The following SERINC2 variants were observed in gnomAD, a reference collection of about 807,000 sequenced individuals.
SERINC2 encodes serine incorporator 2.
Under a neutral mutation model 54.2 loss-of-function variants are expected in SERINC2, and 56 were observed. The observed-to-expected ratio is 1.03, with a 90% CI of 0.83 to 1.29. SERINC2 has a LOEUF of 1.29. SERINC2 is among the 50% of genes most tolerant of loss of function. The pLI is 0.00. For synonymous variants in SERINC2, 272 were observed against 253.1 expected, an observed-to-expected ratio of 1.07 and a Z score of -0.71; for missense variants, 614 against 607.4, an observed-to-expected ratio of 1.01 and a Z score of -0.12.
chr1:31,423,283 G>A (rs782619360), intron 1 of SERINC2, among the ~76,000 whole-genome samples: 2 of 152,220 alleles, frequency 1.3e-5, no homozygotes, highest in Non-Finnish European at 2.9e-5. Context: ...TGCTTTGTGA[G>A]GAGTACATAC....
intron 8 of SERINC2, among the ~76,000 whole-genome samples, chr1:31,432,146 ACAGGGTGGACAGGGTGGATAGG>A (rs1641299496): frequency 8.7e-6 from 1 of 114,860 alleles, no homozygotes; most frequent in African/African-American, 3.8e-5. Flanking sequence ...GACAGGGTGG[ACAGGGTGGACAGGGTGGATAGG>A]GTGGATAGGG....
chr1:31,423,527 A>G (rs545051539), intron 1 of SERINC2, among the ~76,000 whole-genome samples, 166 bp from the exon 2 acceptor site: 30 of 152,296 alleles, frequency 2.0e-4, no homozygotes, highest in African/African-American at 6.3e-4. Flanking sequence ...GTAGCCCTAT[A>G]TGACCCAGCC....
intron 3 of SERINC2, 126 bp from the exon 4 acceptor site, chr1:31,425,204 A>G: frequency 1.3e-6 from 1 of 775,280 alleles, no homozygotes; most frequent in Admixed American, 1.9e-5. Flanking sequence ...ACCACCAGAA[A>G]GCCCACCCTC....
chr1:31,410,314 A>C, upstream of SERINC2: 2 of 1,540,640 alleles, frequency 1.3e-6, no homozygotes, highest in Non-Finnish European at 1.7e-6. Flanking sequence ...CTCTTTATCC[A>C]TGTCCTCACT....
upstream of SERINC2, among the ~76,000 whole-genome samples, chr1:31,412,845 A>C (rs1330762559): frequency 6.6e-6 from 1 of 152,114 alleles, no homozygotes; most frequent in Non-Finnish European, 1.5e-5. Context: ...ATTCAACCTC[A>C]GCATCTACGT....
In SERINC2 at chr1:31,434,143, C is replaced by T. The variant is rs782369919; in HGVS notation, c.1312C>T (p.Leu438Phe). Residue 438 changes from leucine to phenylalanine, a missense_variant, in exon 10 of 10, where the codon CTC becomes TTC. Transcript: ENST00000373709. ...CTGTGCCAGCTGGGCAGGGCTGCTC[C>T]TCTACCTGTGGACCCTGGTAGCCCC... ...KICASWAGLL[L>F]YLWTLVAPLL... 1 of 1,613,966 alleles carries T rather than the reference C, an allele frequency of 6.2e-7. No individual in the cohort carries two copies. Among genetic ancestry groups the T allele is most frequent in the Non-Finnish European group, 8.5e-7 (1 of 1,179,954 alleles).
In SERINC2 at chr1:31,413,418, C is replaced by T; in HGVS notation, c.39+114C>T. On this transcript the variant is annotated intron_variant, in intron 1 of 9. Coordinates refer to ENST00000373709, the MANE Select transcript of SERINC2 (RefSeq NM_178865.5). This position sits in a 1 kb window ranked among gnomAD's most constrained non-coding sequence, Gnocchi z 5.0. ...TTCTTTTTCCTTCCTGCAAACTTGT[C>T]TTTCTGGGCCGGTGCCCCGCCTGCT... 3.7e-6 allele frequency: 2 copies of T among 540,210 alleles called. 1 individual carries two copies. The allele number at this position is 540,210 out of a possible 1,614,324, so 33.5% of individuals were successfully genotyped here.
intron 1 of SERINC2, 78 bp from the exon 2 acceptor site, chr1:31,423,615 C>CGACCTCTGG: frequency 6.9e-7 from 1 of 1,453,034 alleles, no homozygotes. Flanking sequence ...ACAGATGCGC[C>CGACCTCTGG]GACCTCTGGG....
At chr1:31,419,918 A>G (rs1388355468) in intron 1 of SERINC2, among the ~76,000 whole-genome samples, 1 of 152,176 alleles carries the variant, frequency 6.6e-6, no homozygotes, top group African/African-American at 2.4e-5. Context: ...CTGAGGTAGG[A>G]GGATTGCTTG....
chr1:31,432,029 A>ATAGGGTGGT (rs1557500669), intron 8 of SERINC2, among the ~76,000 whole-genome samples: 1 of 119,856 alleles, frequency 8.3e-6, no homozygotes, highest in Non-Finnish European at 1.7e-5. Flanking sequence ...GACAGGGTGG[A>ATAGGGTGGT]CAGGGTGGAC....
intron 1 of SERINC2, among the ~76,000 whole-genome samples, chr1:31,418,248 C>T (rs1180971406): frequency 2.6e-5 from 4 of 152,194 alleles, no homozygotes; most frequent in Admixed American, 1.3e-4. Context: ...CACCAATGGA[C>T]ATTTAGCTTG....
rs201830294 is a variant in SERINC2 at position 31,433,193 on chromosome 1, G to C, written c.1232+8G>C. 2 of 1,611,920 alleles carry C rather than the reference G, an allele frequency of 1.2e-6. No homozygotes were observed. Among genetic ancestry groups the C allele is most frequent in the Non-Finnish European group, 1.7e-6 (2 of 1,178,618 alleles). On this transcript the variant is annotated splice_region_variant and intron_variant, in intron 9 of 9. Transcript: ENST00000373709. ...GCTCACCAACTGGTACAAGTGCGTA[G>C]CTGGTGGGGCATGGACAGAGCCCGG... is the stretch of plus-strand genomic sequence containing the variant.
At chr1:31,424,485 A>T (rs1242130326) in intron 2 of SERINC2, among the ~76,000 whole-genome samples, 198 bp from the exon 3 acceptor site, 3 of 152,182 alleles carry the variant, frequency 2.0e-5, no homozygotes, top group Admixed American at 1.3e-4. Context: ...CCAGGGCTTC[A>T]GGCCCAGAGA....
chr1:31,427,181 T>C (rs1213822622), intron 6 of SERINC2, among the ~76,000 whole-genome samples: 3 of 152,224 alleles, frequency 2.0e-5, no homozygotes, highest in African/African-American at 7.2e-5. Flanking sequence ...TTTGTTTTTA[T>C]GCAAATCAGT....
At chr1:31,415,793 A>AT (rs1640767541) in intron 1 of SERINC2, 2 of 924,322 alleles carry the variant, frequency 2.2e-6, no homozygotes, top group Non-Finnish European at 2.6e-6. Context: ...TTCAGGAGGG[A>AT]TTTTTTTGCA....
intron 8 of SERINC2, among the ~76,000 whole-genome samples, chr1:31,431,859 TAGGGTGGA>T (rs1641235921): frequency 4.0e-5 from 1 of 24,914 alleles, no homozygotes; most frequent in South Asian, 1.5e-3. Context: ...ATAGGGTGGA[TAGGGTGGA>T]TAGGGTGGAC....
At chr1:31,432,913 G>A (rs781926558) in intron 8 of SERINC2, 54 bp from the exon 9 acceptor site, 2 of 1,419,146 alleles carry the variant, frequency 1.4e-6, no homozygotes, top group Admixed American at 2.0e-5. Flanking sequence ...TGTGTCCAGT[G>A]TTATGAGCAA....
chr1:31,413,827 CCTGTCTGTGTCCGTCGTTCGTCCGA>C lies in SERINC2; in HGVS notation c.39+530_39+554del, dbSNP rs1640706761. 1.4e-6 allele frequency: 2 copies of C among 1,404,108 alleles called. No individual in the cohort carries two copies. The highest frequency in any genetic ancestry group is 1.6e-5 in the South Asian group (1 of 63,648). 87.0% of individuals were successfully genotyped at this position (1,404,108 alleles called of 1,614,324 possible). A position where few individuals can be genotyped will look rare whatever the true frequency, so the allele number is the denominator to read the frequency against. On this transcript the variant is annotated intron_variant, in intron 1 of 9. Transcript: ENST00000373709. This position sits in a 1 kb window ranked among gnomAD's most constrained non-coding sequence, Gnocchi z 5.0. Reference sequence around the variant, plus strand: ...CCTGTCCGTTCGTATTTGTCTGGTTCCTGTCTGTGTCCGTCGTTCGTCCGACTGTCTTTGTCCGTCTGCTGTCTTC... The same window carrying C: ...CCTGTCCGTTCGTATTTGTCTGGTTCCTGTCTTTGTCCGTCTGCTGTCTTC...
chr1:31,429,123 G>A lies in SERINC2; in HGVS notation c.871+55G>A, dbSNP rs1553134051. ...TGGCCTCGTTCCTGGGTCAGTATCA[G>A]TCTACTGTGGGGCTGGGGACCCTCA... On this transcript the variant is annotated intron_variant, in intron 7 of 9. Coordinates refer to ENST00000373709, the MANE Select transcript of SERINC2 (RefSeq NM_178865.5). 4.1e-6 allele frequency: 6 copies of A among 1,478,152 alleles called. No individual in the cohort carries two copies. The South Asian group carries it at 4.5e-5, about 11-fold the overall frequency. The allele number at this position is 1,478,152 out of a possible 1,614,324, so 91.6% of individuals were successfully genotyped here.
Sources: allele counts gnomAD v4.1 joint callset (sites outside exome capture counted in the v4.1 genomes callset), GRCh38; gene constraint gnomAD v4.1.1; non-coding constraint Gnocchi (gnomAD v3.1); transcripts MANE v1.5; gene names NCBI Gene and HGNC (gene_info 2026-07-23, HGNC 2026-07-21).